Variants in TENM3 observed in about 807,000 individuals in gnomAD.
TENM3 encodes the protein teneurin-3.
In TENM3, 63 loss-of-function variants were observed where a neutral mutation model predicts 255.1. That is an observed-to-expected ratio of 0.25 (90% CI 0.20 to 0.30). TENM3 has a LOEUF of 0.30. TENM3 is among the 10% of genes least tolerant of loss of function. TENM3 has a pLI of 1.00. For missense variants in TENM3, 2,929 were observed against 3,461.1 expected, an observed-to-expected ratio of 0.85 and a Z score of 3.86; for synonymous variants, 1,306 against 1,322.3, an observed-to-expected ratio of 0.99 and a Z score of 0.27.
the TENM3 span, among the ~76,000 whole-genome samples, chr4:181,867,891 C>T: frequency 6.6e-6 from 1 of 151,918 alleles, no homozygotes; most frequent in African/African-American, 2.4e-5. Context: ...GTTTATGCCT[C>T]CATTTTGTTT....
At chr4:182,186,424 T>C (rs1397252266) in intron 1 of TENM3, among the ~76,000 whole-genome samples, 1 of 152,060 alleles carries the variant, frequency 6.6e-6, no homozygotes, top group Non-Finnish European at 1.5e-5. Flanking sequence ...ACTTCTAATA[T>C]GTATATATCG....
chr4:182,578,724 A>G (rs1334790658), intron 3 of TENM3, among the ~76,000 whole-genome samples: 1 of 152,154 alleles, frequency 6.6e-6, no homozygotes, highest in Non-Finnish European at 1.5e-5. Flanking sequence ...ATTTCTTCCC[A>G]GGAACCTCTG....
chr4:182,588,816 A>C (rs1377747680), intron 3 of TENM3, among the ~76,000 whole-genome samples: 1 of 152,218 alleles, frequency 6.6e-6, no homozygotes, highest in African/African-American at 2.4e-5. Flanking sequence ...GACAAGATAA[A>C]CTACTTTAAC....
the TENM3 span, among the ~76,000 whole-genome samples, chr4:181,641,554 G>GTGTGTGTATATA: frequency 1.9e-4 from 5 of 26,908 alleles, no homozygotes; most frequent in African/African-American, 7.8e-4. Flanking sequence ...TGGTGTGTGT[G>GTGTGTGTATATA]TATATATATA....
the TENM3 span, among the ~76,000 whole-genome samples, chr4:181,586,992 T>C: frequency 2.5e-4 from 38 of 152,282 alleles, no homozygotes; most frequent in East Asian, 6.2e-3. Context: ...AAGTACACTT[T>C]TCTTTATTCT....
Position 182,454,812 on chromosome 4 carries a change from A to C in TENM3, c.511+107883A>C, listed in dbSNP as rs541234067. 2.3e-4 allele frequency among the ~76,000 whole-genome samples: 35 copies of C among 152,338 alleles called. No homozygotes were observed. The South Asian group carries it at 6.4e-3, about 28-fold the overall frequency. On this transcript the variant is annotated intron_variant, in intron 3 of 27. Transcript: ENST00000511685. ...ACAAGTATTGTTCAATAAGAGGAAGAGTTTTATTAAACGCAGTACAAGAGC... is the reference window on the plus strand; with the variant it reads ...ACAAGTATTGTTCAATAAGAGGAAGCGTTTTATTAAACGCAGTACAAGAGC...
chr4:181,743,998 C>T, the TENM3 span, among the ~76,000 whole-genome samples: 1 of 152,102 alleles, frequency 6.6e-6, no homozygotes. Flanking sequence ...CGACAGGCCC[C>T]AATGTCTGTT....
At chr4:181,754,191 T>C in the TENM3 span, among the ~76,000 whole-genome samples, 231 of 152,150 alleles carry the variant, frequency 1.5e-3, 1 homozygote, top group Middle Eastern at 6.8e-3. Flanking sequence ...TTATCTATGA[T>C]GGTTTTAACA....
rs1369235072 is a variant in TENM3, at chr4:182,789,607, T to C, written c.5601+218T>C. 8.5e-5 allele frequency among the ~76,000 whole-genome samples: 13 copies of C among 152,354 alleles called. No individual in the cohort carries two copies. Among genetic ancestry groups the C allele is most frequent in the Admixed American group, 5.2e-4 (8 of 15,304 alleles). ...TAAGTTCTACTGTCTGAGACCCTTT[T>C]AAGTGATTTATGATGTAAACAAATA... On this transcript the variant is annotated intron_variant, in intron 25 of 27. Transcript: ENST00000511685. The surrounding 1 kb of genome is among the most constrained non-coding windows in gnomAD (Gnocchi z 4.4).
chr4:182,458,816 G>A (rs940410017), intron 3 of TENM3, among the ~76,000 whole-genome samples: 6 of 152,138 alleles, frequency 3.9e-5, no homozygotes, highest in Admixed American at 6.5e-5. Context: ...CCTCTGCAGA[G>A]AAATCCTAGG....
the TENM3 span, among the ~76,000 whole-genome samples, chr4:181,806,612 G>C: frequency 6.6e-6 from 1 of 152,194 alleles, no homozygotes; most frequent in Non-Finnish European, 1.5e-5. Flanking sequence ...TCCCCTTCGG[G>C]GCACACAGCC....
chr4:181,522,100 CAAAAAAAAAAA>C, the TENM3 span, among the ~76,000 whole-genome samples: 63 of 54,730 alleles, frequency 1.2e-3, no homozygotes, highest in Admixed American at 5.1e-3. Context: ...GACTCCGTCT[CAAAAAAAAAAA>C]AAAAAAAAAA....
chr4:181,786,187 C>G, the TENM3 span, among the ~76,000 whole-genome samples: 4 of 152,168 alleles, frequency 2.6e-5, no homozygotes, highest in East Asian at 7.7e-4. Flanking sequence ...AGACTTCAAA[C>G]AGTTACCTAC....
intron 3 of TENM3, among the ~76,000 whole-genome samples, chr4:182,373,486 T>G (rs1336538589): frequency 6.6e-6 from 1 of 152,166 alleles, no homozygotes; most frequent in East Asian, 1.9e-4. Context: ...GGAGTTGAAG[T>G]GTCACATGGC....
At chr4:181,538,777 G>A in the TENM3 span, among the ~76,000 whole-genome samples, 2 of 152,298 alleles carry the variant, frequency 1.3e-5, no homozygotes, top group Middle Eastern at 3.4e-3. Flanking sequence ...TTTTCAGAGA[G>A]TAGAATTCAG....
At chr4:182,210,062 T>G (rs1754901383) in intron 1 of TENM3, among the ~76,000 whole-genome samples, 1 of 152,090 alleles carries the variant, frequency 6.6e-6, no homozygotes, top group African/African-American at 2.4e-5. Context: ...TCCTGTTTCA[T>G]CTAGGTTTCT....
chr4:182,727,923 C>T (rs534632865), intron 13 of TENM3, among the ~76,000 whole-genome samples: 2 of 148,686 alleles, frequency 1.3e-5, no homozygotes, highest in South Asian at 2.1e-4. Flanking sequence ...TGCAGTGGTA[C>T]GATCTCAGCT....
intron 3 of TENM3, among the ~76,000 whole-genome samples, chr4:182,592,091 A>C (rs935912934): frequency 1.3e-5 from 2 of 151,622 alleles, no homozygotes; most frequent in Non-Finnish European, 2.9e-5. Flanking sequence ...TCAGTGTCAT[A>C]AAAATGTTGA....
At chr4:181,639,047 A>AT in the TENM3 span, among the ~76,000 whole-genome samples, 47 of 151,954 alleles carry the variant, frequency 3.1e-4, no homozygotes, top group African/African-American at 5.3e-4. Flanking sequence ...TTTGTTTTGC[A>AT]TTTTTTTTGA....
Sources: allele counts gnomAD v4.1 joint callset (sites outside exome capture counted in the v4.1 genomes callset), GRCh38; gene constraint gnomAD v4.1.1; non-coding constraint Gnocchi (gnomAD v3.1); transcripts MANE v1.5; gene names NCBI Gene and HGNC (gene_info 2026-07-23, HGNC 2026-07-21).